RAB33A: variants seen among roughly 807,000 people sequenced by gnomAD.
RAB33A encodes the protein RAB33A, member RAS oncogene family.
In RAB33A, 6 loss-of-function variants were observed where a neutral mutation model predicts 12.0. The ratio of observed to expected loss-of-function variants is 0.50; its 90% CI spans 0.27 to 0.99. The LOEUF (loss-of-function observed/expected upper bound fraction) is 0.99. Among genes scored for constraint, RAB33A ranks in the 50% least tolerant of loss-of-function variants. RAB33A has a pLI of 0.11. For missense variants in RAB33A, 109 were observed against 192.0 expected (o/e 0.57, Z 2.55); for synonymous variants, 70 against 82.4 (o/e 0.85, Z 0.81).
chrX:130,165,477 G>C, the RAB33A span: 2 of 891,877 alleles, frequency 2.2e-6, no homozygotes, highest in Non-Finnish European at 3.2e-6. Context: ...CGCGGGGGTA[G>C]AGGGCTGCAA....
chrX:130,165,477 G>A, the RAB33A span: 2 of 890,536 alleles, frequency 2.2e-6, no homozygotes, highest in African/African-American at 3.9e-5. Context: ...CGCGGGGGTA[G>A]AGGGCTGCAA....
At chrX:130,155,037 A>G in the RAB33A span, 2,221 of 950,685 alleles carry the variant, frequency 2.3e-3, 34 homozygotes, top group African/African-American at 0.037. Flanking sequence ...CCCTTTAATA[A>G]ACACCTAGAG....
At chrX:130,159,305 T>G in the RAB33A span, among the ~76,000 whole-genome samples, 2 of 112,462 alleles carry the variant, frequency 1.8e-5, no homozygotes, top group African/African-American at 3.2e-5. Flanking sequence ...GTATTTTTCT[T>G]TACTGTTCTT....
At chrX:130,178,323 GA>G (rs1232208261) in intron 1 of RAB33A, among the ~76,000 whole-genome samples, 1 of 32,480 alleles carries the variant, frequency 3.1e-5, no homozygotes, top group African/African-American at 5.3e-4. Flanking sequence ...GTCTGGAAAA[GA>G]GAGAGAGAGA....
the RAB33A span, among the ~76,000 whole-genome samples, chrX:130,115,706 GAAAAAAGAA>G: frequency 5.7e-5 from 4 of 70,310 alleles, no homozygotes; most frequent in African/African-American, 1.6e-4. Context: ...GAAGGAGAAA[GAAAAAAGAA>G]AGAAAGAAAG....
the RAB33A span, among the ~76,000 whole-genome samples, chrX:130,143,616 C>T: frequency 2.7e-5 from 3 of 109,893 alleles, no homozygotes; most frequent in African/African-American, 3.3e-5. Context: ...TTTGGGAAGC[C>T]GAGGTGGGTG....
At chrX:130,126,047 G>T in the RAB33A span, among the ~76,000 whole-genome samples, 1 of 112,559 alleles carries the variant, frequency 8.9e-6, no homozygotes, top group African/African-American at 3.2e-5. Context: ...GAAGTCAAAT[G>T]GGTGGGCTCT....
At chrX:130,183,527 C>A (rs1471794043) in intron 1 of RAB33A, among the ~76,000 whole-genome samples, 1 of 109,566 alleles carries the variant, frequency 9.1e-6, no homozygotes, top group Non-Finnish European at 1.9e-5. Context: ...TGCACCCCAG[C>A]CTGGGTGACA....
chrX:130,180,337 C>T (rs754956506), intron 1 of RAB33A, among the ~76,000 whole-genome samples: 4 of 112,882 alleles, frequency 3.5e-5, no homozygotes, highest in South Asian at 3.6e-4. Context: ...CTGGGGCTCA[C>T]GCCTGTAATC....
chrX:130,111,089 A>G, the RAB33A span, among the ~76,000 whole-genome samples: 1 of 107,690 alleles, frequency 9.3e-6, no homozygotes, highest in South Asian at 4.0e-4. Context: ...CGCGGTCGCC[A>G]GCACGGCATG....
chrX:130,155,428 G>T, the RAB33A span: 1 of 650,464 alleles, frequency 1.5e-6, no homozygotes, highest in Non-Finnish European at 2.4e-6. Flanking sequence ...TGCTGCTCCA[G>T]GATTGCAGAA....
chrX:130,168,166 G>A (rs1291104129), upstream of RAB33A, among the ~76,000 whole-genome samples: 3 of 108,912 alleles, frequency 2.8e-5, no homozygotes, highest in African/African-American at 1.0e-4. Context: ...GACAGAGCGA[G>A]ACCCTATTTC....
the RAB33A span, chrX:130,133,319 A>G: frequency 8.3e-7 from 1 of 1,211,368 alleles, no homozygotes; most frequent in Admixed American, 2.2e-5. Flanking sequence ...TTACCAGAAC[A>G]TTGACTGATG....
the RAB33A span, among the ~76,000 whole-genome samples, chrX:130,115,706 GAAAAAAGA>G: frequency 2.8e-5 from 2 of 70,310 alleles, no homozygotes; most frequent in African/African-American, 1.6e-4. Flanking sequence ...GAAGGAGAAA[GAAAAAAGA>G]AAGAAAGAAA....
the RAB33A span, among the ~76,000 whole-genome samples, chrX:130,118,237 C>T: frequency 4.4e-5 from 5 of 112,618 alleles, no homozygotes; most frequent in South Asian, 7.3e-4. Flanking sequence ...GACTGGGACA[C>T]CACAGGGGAC....
At chrX:130,174,823 G>A (rs1391176896) in intron 1 of RAB33A, among the ~76,000 whole-genome samples, 1 of 110,710 alleles carries the variant, frequency 9.0e-6, no homozygotes, top group Non-Finnish European at 1.9e-5. Context: ...CAACTGATTT[G>A]GTGTAGTTAG....
chrX:130,135,951 T>C, the RAB33A span: 1 of 1,111,473 alleles, frequency 9.0e-7, no homozygotes, highest in Non-Finnish European at 1.2e-6. Flanking sequence ...CCCTATTTGG[T>C]TAGGCTGTTG....
At chrX:130,115,655 AAGAGAGAAAGAG>A in the RAB33A span, among the ~76,000 whole-genome samples, 7 of 76,811 alleles carry the variant, frequency 9.1e-5, no homozygotes, top group African/African-American at 3.1e-4. Flanking sequence ...AAAAGAAAGA[AAGAGAGAAAGAG>A]AGAGAGAGAG....
chrX:130,183,352 G>A (rs979514468), intron 1 of RAB33A, among the ~76,000 whole-genome samples: 1 of 108,271 alleles, frequency 9.2e-6, no homozygotes, highest in African/African-American at 3.4e-5. Flanking sequence ...TGAGGAGATC[G>A]AGACCATCCT....
Sources: gnomAD v4.1 joint callset for allele counts (sites outside exome capture counted in the v4.1 genomes callset) on GRCh38, gnomAD v4.1.1 for gene constraint, MANE v1.5 for transcripts, NCBI Gene and HGNC (gene_info 2026-07-23, HGNC 2026-07-21) for gene names.